Variants in WDR17 observed in about 807,000 individuals in gnomAD.
WDR17 encodes WD repeat-containing protein 17.
Under a neutral mutation model 161.7 loss-of-function variants are expected in WDR17, and 143 were observed. The observed-to-expected ratio is 0.88, with a 90% confidence interval of 0.77 to 1.02. The LOEUF is 1.02. WDR17 is among the 50% of genes least tolerant of loss of function. The pLI, the probability that WDR17 is intolerant of heterozygous loss-of-function variation, is 0.00. For synonymous variants in WDR17, 517 were observed against 515.6 expected, an observed-to-expected ratio of 1.00 and a Z score of -0.04; for missense variants, 1,469 against 1,520.9, an observed-to-expected ratio of 0.97 and a Z score of 0.57.
chr4:176,077,689 G>C (rs150366586), intron 1 of WDR17, among the ~76,000 whole-genome samples: 1 of 151,672 alleles, frequency 6.6e-6, no homozygotes, highest in Non-Finnish European at 1.5e-5. Context: ...AAAATCTAAG[G>C]ATAGAGTTGG....
chr4:176,126,615 A>G (rs1341415263), intron 5 of WDR17, among the ~76,000 whole-genome samples: 1 of 152,192 alleles, frequency 6.6e-6, no homozygotes, highest in Non-Finnish European at 1.5e-5. Context: ...TTGCAGTGTG[A>G]CAAGTACTAT....
chr4:176,125,201 T>C lies in WDR17; in HGVS notation c.636T>C (p.Thr212=). ...VTALEWDPLS[T]DYLLVVNLHY... ...CCTTGGAATGGGACCCACTATCTAC[T>C]GATTATCTTCTAGTGGTTAATTTGC... Residue 212 remains threonine, a synonymous_variant, in exon 5 of 29, where the codon ACT becomes ACC. Transcript: ENST00000508596. 1 of 1,614,174 alleles carries C rather than the reference T, an allele frequency of 6.2e-7. No individual in the cohort carries two copies. Among genetic ancestry groups the C allele is most frequent in the Non-Finnish European group, 8.5e-7 (1 of 1,180,008 alleles).
chr4:176,162,032 G>T lies in WDR17; in HGVS notation c.2751-43G>T, dbSNP rs778258100. The T allele has an allele frequency of 1.3e-5, 20 of 1,485,524 alleles. No individual in the cohort carries two copies. The South Asian group carries it at 2.3e-4, about 17-fold the overall frequency. 92.0% of individuals were successfully genotyped at this position (1,485,524 alleles called of 1,614,324 possible). On this transcript the variant is annotated intron_variant, in intron 20 of 28. Coordinates refer to ENST00000508596, the MANE Select transcript of WDR17 (RefSeq NM_181265.4). ...AAAGTATTAGTTTGCTTTTATAATG[G>T]AATACTTGTGTTTATATAGAATACA... is the stretch of plus-strand genomic sequence containing the variant.
rs751256637 is a variant in WDR17 at position 176,120,105 on chromosome 4, T to G, written c.538+8T>G. The G allele has an allele frequency of 6.9e-6, 11 of 1,601,862 alleles. No homozygotes were observed. Among genetic ancestry groups the G allele is most frequent in the African/African-American group, 2.7e-5 (2 of 74,578 alleles). Reference sequence around the variant, plus strand: ...TATCAATTTTTCATCCAGGTAAGAATTTAATTAGCAAGGTATCTTAAATAG... The same window carrying G: ...TATCAATTTTTCATCCAGGTAAGAAGTTAATTAGCAAGGTATCTTAAATAG... On this transcript the variant is annotated splice_region_variant and intron_variant, in intron 4 of 28. Transcript: ENST00000508596.
intron 7 of WDR17, among the ~76,000 whole-genome samples, chr4:176,134,076 G>T (rs1010784986): frequency 3.3e-5 from 5 of 151,714 alleles, no homozygotes; most frequent in African/African-American, 1.2e-4. Context: ...TCAGCCAGGT[G>T]AACCAGTGGT....
chr4:176,083,976 T>C (rs549731109), intron 1 of WDR17, among the ~76,000 whole-genome samples: 1 of 152,282 alleles, frequency 6.6e-6, no homozygotes, highest in East Asian at 1.9e-4. Flanking sequence ...TGAATTTATC[T>C]TCCCTTTTGT....
At chr4:176,080,700 T>C (rs1734631499) in intron 1 of WDR17, among the ~76,000 whole-genome samples, 1 of 152,100 alleles carries the variant, frequency 6.6e-6, no homozygotes, top group African/African-American at 2.4e-5. Flanking sequence ...TAATTTTACT[T>C]GGCCTGTCTG....
chr4:176,167,910 G>T (rs1351440891), intron 22 of WDR17, among the ~76,000 whole-genome samples: 2 of 151,922 alleles, frequency 1.3e-5, no homozygotes, highest in East Asian at 3.9e-4. Context: ...ACTTCGGGAG[G>T]CCAAGGTGGG....
chr4:176,150,681 T>C (rs1746974583), intron 16 of WDR17, 88 bp downstream of exon 16: 3 of 1,307,494 alleles, frequency 2.3e-6, no homozygotes, highest in Non-Finnish European at 2.0e-6. Context: ...AAAATATATA[T>C]GATTAGATCG....
At chr4:176,127,804 C>A (rs985916302) in intron 5 of WDR17, among the ~76,000 whole-genome samples, 5 of 152,194 alleles carry the variant, frequency 3.3e-5, no homozygotes, top group African/African-American at 4.8e-5. Flanking sequence ...TGCCTCCCTA[C>A]AGTCCCGGAT....
chr4:176,152,368 G>A (rs943447321), intron 17 of WDR17, among the ~76,000 whole-genome samples: 6 of 150,188 alleles, frequency 4.0e-5, no homozygotes, highest in Non-Finnish European at 7.4e-5. Flanking sequence ...AGGCCAAGTC[G>A]GGTGGATCAC....
In WDR17 at chr4:176,179,531, G is replaced by A. The variant is rs960156779; in HGVS notation, c.3804G>A (p.Val1268=). 1 of 1,604,338 alleles carries A rather than the reference G, an allele frequency of 6.2e-7. No homozygotes were observed. Among genetic ancestry groups the A allele is most frequent in the African/African-American group, 1.3e-5 (1 of 74,340 alleles). The change falls in exon 29 of 29, where the codon GTG becomes GTA. Residue 1268 remains valine (V), a synonymous_variant. Transcript: ENST00000508596. ...ATGATGCTTTGATGTGGGCAAAGGT[G>A]AATCCATTCTCACCTTTAGGGACTG... ...SLNDALMWAK[V]NPFSPLGTGI... is the part of the protein sequence containing the mutation.
At chr4:176,153,032 T>A (rs1006962040) in intron 17 of WDR17, among the ~76,000 whole-genome samples, 1 of 151,162 alleles carries the variant, frequency 6.6e-6, no homozygotes, top group Non-Finnish European at 1.5e-5. Flanking sequence ...ATCAAAGTGT[T>A]CCAGGACAGC....
chr4:176,162,741 A>G lies in WDR17; in HGVS notation c.2851-413A>G, dbSNP rs1025484232. Among the ~76,000 whole-genome samples, 5 of 152,362 alleles carry G rather than the reference A, an allele frequency of 3.3e-5. No homozygotes were observed. The East Asian group carries it at 7.7e-4, about 23-fold the overall frequency. The stretch of plus-strand genomic sequence containing the variant: ...AATAAGGAAAATGTTAATTAAAGAT[A>G]CAGATTCTATTGTGCATTTATCTTT... On this transcript the variant is annotated intron_variant, in intron 21 of 28. Transcript: ENST00000508596.
chr4:176,085,714 C>T (rs780964236), intron 1 of WDR17, among the ~76,000 whole-genome samples: 4 of 151,932 alleles, frequency 2.6e-5, no homozygotes, highest in Non-Finnish European at 5.9e-5. Context: ...ATCAGTCCTT[C>T]TGTGAGTTGA....
At chr4:176,172,840 TA>T (rs972099750) in intron 24 of WDR17, among the ~76,000 whole-genome samples, 4 of 152,052 alleles carry the variant, frequency 2.6e-5, no homozygotes, top group African/African-American at 9.6e-5. Context: ...GCCACGCTCT[TA>T]AACACTCAGA....
intron 18 of WDR17, among the ~76,000 whole-genome samples, chr4:176,159,069 C>G (rs12499392): frequency 6.6e-6 from 1 of 151,950 alleles, no homozygotes; most frequent in Non-Finnish European, 1.5e-5. Context: ...ATGAAAAATA[C>G]TTTCCATTTT....
At chr4:176,070,443 T>C (rs1733072265) in intron 1 of WDR17, among the ~76,000 whole-genome samples, 1 of 152,220 alleles carries the variant, frequency 6.6e-6, no homozygotes, top group South Asian at 2.1e-4. Context: ...TCTGTCAATA[T>C]ATTGAATGCA....
chr4:176,076,622 T>C (rs1385616), intron 1 of WDR17, among the ~76,000 whole-genome samples: 36,026 of 151,694 alleles, frequency 0.24, 5,494 homozygotes, highest in Admixed American at 0.42. Flanking sequence ...ATCATTGATA[T>C]GATTTTTTTT....
Sources: gnomAD v4.1 joint callset for allele counts (sites outside exome capture counted in the v4.1 genomes callset) on GRCh38, gnomAD v4.1.1 for gene constraint, MANE v1.5 for transcripts, NCBI Gene and HGNC (gene_info 2026-07-23, HGNC 2026-07-21) for gene names.